MTHFD1: variants seen among roughly 807,000 people sequenced by gnomAD.
The protein encoded by MTHFD1 is C-1-tetrahydrofolate synthase, cytoplasmic.
In MTHFD1, 44 loss-of-function variants were observed where a neutral mutation model predicts 110.3. The observed-to-expected ratio is 0.40, with a 90% CI of 0.31 to 0.51. The LOEUF (loss-of-function observed/expected upper bound fraction) is 0.51. Among genes scored for constraint, MTHFD1 ranks in the 20% least tolerant of loss-of-function variants. The pLI, the probability that MTHFD1 is intolerant of heterozygous loss-of-function variation, is 0.60. For synonymous variants in MTHFD1, 402 were observed against 428.8 expected (o/e 0.94, Z 0.77); for missense variants, 909 against 1,173.1 (o/e 0.77, Z 3.29).
chr14:64,426,121 G>T lies in MTHFD1; in HGVS notation c.1056G>T (p.Lys352Asn). The stretch of plus-strand genomic sequence containing the variant: ...AGGTAGAATTATATGGTGAAACAAA[G>T]GCCAAAGTTCTGCTGTCAGCACTAG... ...SEEVELYGET[K>N]AKVLLSALER... Residue 352 changes from lysine (K) to asparagine (N), a missense_variant, in exon 11 of 28, where the codon AAG becomes AAT. Physicochemically the swap from Lys to Asn is moderately conservative, Grantham distance 94 (BLOSUM62 0). This residue lies in a region of MTHFD1 where 424 missense variants were observed against 510.4 expected (regional missense o/e 0.83). Transcript: ENST00000652337. The T allele has an allele frequency of 6.2e-7, 1 of 1,614,156 alleles. No homozygotes were observed. Among genetic ancestry groups the T allele is most frequent in the South Asian group, 1.1e-5 (1 of 91,078 alleles).
intron 27 of MTHFD1, chr14:64,458,623 A>G (rs1316424124): frequency 1.2e-5 from 5 of 407,518 alleles, no homozygotes; most frequent in Non-Finnish European, 2.3e-5. Context: ...CTGAAGCCCC[A>G]GGAGGCTTGG....
chr14:64,424,721 C>A, intron 8 of MTHFD1, 83 bp from the exon 9 acceptor site: 1 of 1,512,520 alleles, frequency 6.6e-7, no homozygotes, highest in Non-Finnish European at 9.1e-7. Flanking sequence ...ACACACCCTA[C>A]AATTCTGCTG....
chr14:64,396,870 C>T (rs1212071805), intron 1 of MTHFD1, among the ~76,000 whole-genome samples: 1 of 147,880 alleles, frequency 6.8e-6, no homozygotes, highest in African/African-American at 2.5e-5. Flanking sequence ...TTTGGGAGGC[C>T]GAGGAGGGCA....
intron 5 of MTHFD1, 28 bp downstream of exon 5, chr14:64,415,522 C>G: frequency 1.2e-6 from 2 of 1,613,920 alleles, no homozygotes; most frequent in Non-Finnish European, 1.7e-6. Flanking sequence ...TCCTATGTCT[C>G]ATTGCATGCT....
intron 17 of MTHFD1, chr14:64,439,378 C>A: frequency 1.7e-6 from 1 of 592,596 alleles, no homozygotes; most frequent in Non-Finnish European, 3.0e-6. Context: ...TGTGTTTTTC[C>A]CCCGGCATTT....
chr14:64,451,739 C>T (rs2078375885), intron 24 of MTHFD1, among the ~76,000 whole-genome samples: 1 of 152,198 alleles, frequency 6.6e-6, no homozygotes, highest in Admixed American at 6.5e-5. Context: ...AGGAGGCTGC[C>T]ACTTTTTGTC....
chr14:64,424,802 A>C lies in MTHFD1; in HGVS notation c.728-2A>C, dbSNP rs1218451457. On this transcript the variant is annotated splice_acceptor_variant, in intron 8 of 27. Transcript: ENST00000652337. LOFTEE classifies it high-confidence loss of function. ...GTTTTGATTTCTCCCCCACTTGACC[A>C]GATGATAAAAAACCAAATGGGAGAA... The C allele has an allele frequency of 6.2e-7, 1 of 1,613,892 alleles. No homozygotes were observed. Among genetic ancestry groups the C allele is most frequent in the Non-Finnish European group, 8.5e-7 (1 of 1,180,018 alleles).
At chr14:64,418,064 G>A (rs1292902559) in intron 7 of MTHFD1, 40 bp downstream of exon 7, 1 of 1,613,160 alleles carries the variant, frequency 6.2e-7, no homozygotes. Flanking sequence ...TTACGGTGGG[G>A]AGGGTGGGTG....
At chr14:64,409,260 G>C (rs1487946135) in intron 2 of MTHFD1, among the ~76,000 whole-genome samples, 1 of 152,166 alleles carries the variant, frequency 6.6e-6, no homozygotes, top group Non-Finnish European at 1.5e-5. Context: ...TCAAGTGCAA[G>C]GGACAGCAGA....
In MTHFD1 at chr14:64,411,294, G is replaced by A. The variant is rs2077981581; in HGVS notation, c.186+145G>A. On this transcript the variant is annotated intron_variant, in intron 3 of 27. Transcript: ENST00000652337. ...TTATCTATTTTGTAAGTCAGAAATG[G>A]GTGGGTTAGATCTGTGGCCTCTGGT... is the stretch of plus-strand genomic sequence containing the variant. The A allele has an allele frequency of 4.3e-6, 3 of 703,400 alleles. No homozygotes were observed. In the South Asian group the frequency reaches 4.5e-5, roughly 11 times the overall value. 43.6% of individuals were successfully genotyped at this position (703,400 alleles called of 1,614,324 possible). A position where few individuals can be genotyped will look rare whatever the true frequency, so the allele number is the denominator to read the frequency against.
At chr14:64,440,442 A>G (rs1480995607) in intron 18 of MTHFD1, 176 bp downstream of exon 18, 4 of 776,964 alleles carry the variant, frequency 5.1e-6, no homozygotes, top group Non-Finnish European at 8.8e-6. Flanking sequence ...AAAGTACATC[A>G]GAGTGAATAA....
intron 24 of MTHFD1, among the ~76,000 whole-genome samples, chr14:64,453,046 G>A (rs1373013756): frequency 4.0e-5 from 6 of 151,764 alleles, no homozygotes; most frequent in Non-Finnish European, 5.9e-5. Flanking sequence ...TTTTATTTAT[G>A]AAGAAATAAT....
At chr14:64,455,222 TACATAGATTA>T (rs1240439163) in intron 26 of MTHFD1, 1 of 334,788 alleles carries the variant, frequency 3.0e-6, no homozygotes, top group Non-Finnish European at 5.8e-6. Context: ...TTGGGAGCCT[TACATAGATTA>T]ACTCAGTCCC....
intron 11 of MTHFD1, 147 bp downstream of exon 11, chr14:64,426,339 A>G: frequency 1.1e-6 from 1 of 901,910 alleles, no homozygotes; most frequent in African/African-American, 1.6e-5. Flanking sequence ...TGATCCTTAC[A>G]GCAATCCTGA....
At chr14:64,440,771 T>C (rs1439193378) in intron 18 of MTHFD1, 3 of 237,204 alleles carry the variant, frequency 1.3e-5, no homozygotes, top group African/African-American at 2.3e-5. Context: ...GGAACGAGCA[T>C]TGTCGTGCTC....
chr14:64,404,769 G>A (rs534039275), intron 2 of MTHFD1, among the ~76,000 whole-genome samples: 115 of 152,212 alleles, frequency 7.6e-4, no homozygotes, highest in African/African-American at 2.5e-3. Context: ...TCAGGAGTTT[G>A]AGACTAGCCT....
At chr14:64,430,826 A>G (rs1034633094) in intron 13 of MTHFD1, among the ~76,000 whole-genome samples, 2 of 152,226 alleles carry the variant, frequency 1.3e-5, no homozygotes, top group Non-Finnish European at 1.5e-5. Context: ...CAGCGATTTC[A>G]GAATTCATTT....
chr14:64,453,895 T>C, intron 25 of MTHFD1, 34 bp downstream of exon 25: 1 of 1,352,918 alleles, frequency 7.4e-7, no homozygotes, highest in East Asian at 2.3e-5. Flanking sequence ...TTTCAACTCT[T>C]TGCAAAGCAG....
chr14:64,430,050 A>T, intron 12 of MTHFD1, 134 bp from the exon 13 acceptor site: 1 of 847,502 alleles, frequency 1.2e-6, no homozygotes, highest in East Asian at 2.5e-5. Flanking sequence ...CTTGATCAAA[A>T]CTGTCCAAAT....
Sources: gnomAD v4.1 joint callset for allele counts (sites outside exome capture counted in the v4.1 genomes callset) on GRCh38, gnomAD v4.1.1 for gene constraint, gnomAD v4.1.1 regional missense constraint, MANE v1.5 for transcripts, NCBI Gene and HGNC (gene_info 2026-07-23, HGNC 2026-07-21) for gene names.